NCOA2: variants seen among roughly 807,000 people sequenced by gnomAD.
The protein encoded by NCOA2 is nuclear receptor coactivator 2.
A neutral mutation model predicts 145.1 loss-of-function variants in NCOA2; 21 were observed. The ratio of observed to expected loss-of-function variants is 0.14; its 90% CI spans 0.10 to 0.21. The LOEUF is 0.21. Ranked by LOEUF, NCOA2 falls within the 10% of genes least tolerant of loss-of-function variation. The probability of loss-of-function intolerance (pLI) is 1.00; values close to 1 mark genes in which losing one functional copy is unlikely to be tolerated. For synonymous variants in NCOA2, 619 were observed against 637.5 expected (o/e 0.97, Z 0.44); for missense variants, 1,472 against 1,837.6 (o/e 0.80, Z 3.64).
chr8:70,156,910 C>G lies in NCOA2; in HGVS notation c.1455G>C (p.Met485Ile). 2 of 1,613,988 alleles carry G rather than the reference C, an allele frequency of 1.2e-6. No individual in the cohort carries two copies. Among genetic ancestry groups the G allele is most frequent in the Non-Finnish European group, 1.7e-6 (2 of 1,179,894 alleles). The change falls in exon 11 of 23, where the codon ATG (methionine) becomes ATC (isoleucine). Residue 485 changes from methionine (M) to isoleucine (I), a missense_variant. Transcript: ENST00000452400. ...PGMNPGQPTS[M>I]LSPRHRMSPG... The stretch of plus-strand genomic sequence containing the variant: ...GGCTCATGCGATGCCTTGGTGAAAG[C>G]ATGGAGGTGGGCTGTCCTGGATTCA...
chr8:70,321,792 C>CTTTTTTTT (rs1563762022), intron 1 of NCOA2, among the ~76,000 whole-genome samples: 1 of 97,528 alleles, frequency 1.0e-5, no homozygotes. Flanking sequence ...TCAGAATATA[C>CTTTTTTTT]CTTTTTTTTT....
At chr8:70,150,027 A>T (rs1021190620) in intron 11 of NCOA2, among the ~76,000 whole-genome samples, 2 of 152,260 alleles carry the variant, frequency 1.3e-5, no homozygotes, top group Non-Finnish European at 2.9e-5. Context: ...TTTAACATCC[A>T]TATGAGATGT....
In NCOA2 at chr8:70,113,124, C is replaced by G. The variant is rs984119200; in HGVS notation, c.*508G>C. Reference sequence around the variant, plus strand: ...CCACGGTGTCTGTCCTGCTTCCATCCCAAATTCAGGCTTTAGCTTAAAACA... The same window carrying G: ...CCACGGTGTCTGTCCTGCTTCCATCGCAAATTCAGGCTTTAGCTTAAAACA... On this transcript the variant is annotated 3_prime_UTR_variant, in exon 23 of 23. Transcript: ENST00000452400. 1 of 202,876 alleles carries G rather than the reference C, an allele frequency of 4.9e-6. No individual in the cohort carries two copies. Among genetic ancestry groups the G allele is most frequent in the African/African-American group, 2.3e-5 (1 of 43,410 alleles). The allele number at this position is 202,876 out of a possible 1,614,324, so 12.6% of individuals were successfully genotyped here. A position where few individuals can be genotyped will look rare whatever the true frequency, so the allele number is the denominator to read the frequency against.
intron 15 of NCOA2, 146 bp from the exon 16 acceptor site, chr8:70,132,148 C>T: frequency 1.3e-6 from 1 of 790,444 alleles, no homozygotes; most frequent in Non-Finnish European, 2.0e-6. Flanking sequence ...AACAAAAGGA[C>T]AGTCTGAAAT....
At chr8:70,354,589 G>C (rs1202578203) in intron 1 of NCOA2, among the ~76,000 whole-genome samples, 1 of 152,168 alleles carries the variant, frequency 6.6e-6, no homozygotes, top group Non-Finnish European at 1.5e-5. Context: ...CAATGGGCCA[G>C]GGACTAGAGA....
chr8:70,310,648 G>C (rs1325199428), intron 1 of NCOA2, among the ~76,000 whole-genome samples: 1 of 152,072 alleles, frequency 6.6e-6, no homozygotes, highest in Non-Finnish European at 1.5e-5. Context: ...CTATAGTCAA[G>C]ATTCTAGGGC....
intron 2 of NCOA2, among the ~76,000 whole-genome samples, chr8:70,248,645 A>C (rs1822823613): frequency 6.6e-6 from 1 of 152,100 alleles, no homozygotes; most frequent in Non-Finnish European, 1.5e-5. Flanking sequence ...TAATCTACGC[A>C]TATCCTCTCA....
intron 1 of NCOA2, among the ~76,000 whole-genome samples, chr8:70,340,091 G>A (rs1807987712): frequency 6.6e-6 from 1 of 152,052 alleles, no homozygotes; most frequent in Non-Finnish European, 1.5e-5. Flanking sequence ...TTGACAAATG[G>A]GATCTAATTA....
intron 1 of NCOA2, among the ~76,000 whole-genome samples, chr8:70,382,998 A>C (rs1443657694): frequency 6.6e-6 from 1 of 152,268 alleles, no homozygotes; most frequent in African/African-American, 2.4e-5. Context: ...TTCCTATTTC[A>C]AGATTAAAAA....
At chr8:70,166,195 T>G (rs1220398667) in intron 7 of NCOA2, among the ~76,000 whole-genome samples, 1 of 152,204 alleles carries the variant, frequency 6.6e-6, no homozygotes, top group African/African-American at 2.4e-5. Context: ...CCCTCAAAAG[T>G]GTGCTCACTA....
intron 1 of NCOA2, among the ~76,000 whole-genome samples, chr8:70,393,119 C>A (rs1481318779): frequency 2.0e-5 from 3 of 152,190 alleles, no homozygotes; most frequent in Non-Finnish European, 4.4e-5. Flanking sequence ...CCTCTGAAAA[C>A]CACAAGCCCC....
intron 1 of NCOA2, among the ~76,000 whole-genome samples, chr8:70,378,872 G>C (rs1398279444): frequency 6.6e-6 from 1 of 151,724 alleles, no homozygotes; most frequent in Non-Finnish European, 1.5e-5. Context: ...AGGCACTGTT[G>C]TCAGTGCCTC....
In NCOA2 at chr8:70,131,954, T is replaced by G. The variant is rs761971402; in HGVS notation, c.3207A>C (p.Ala1069=). Residue 1069 remains alanine, a synonymous_variant, in exon 16 of 23, where the codon GCA becomes GCC. Transcript: ENST00000452400. ...SPDDLLCPHP[A]AESPSDEGAL... ...CTCCCTCATCACTCGGAGACTCAGCTGCAGGATGTGGACATAGCAAGTCAT... is the reference window on the plus strand; with the variant it reads ...CTCCCTCATCACTCGGAGACTCAGCGGCAGGATGTGGACATAGCAAGTCAT... 7.4e-6 allele frequency: 12 copies of G among 1,612,132 alleles called. No individual in the cohort carries two copies. The highest frequency in any genetic ancestry group is 9.3e-6 in the Non-Finnish European group (11 of 1,179,260).
At chr8:70,403,345 G>A (rs1172325857) in intron 1 of NCOA2, among the ~76,000 whole-genome samples, 9 of 150,990 alleles carry the variant, frequency 6.0e-5, no homozygotes, top group South Asian at 2.1e-4. Context: ...TCTCGCCCGC[G>A]CCGCGGGCTG....
chr8:70,110,684 G>A lies in NCOA2; in HGVS notation c.*2948C>T, dbSNP rs1252412519. 1 of 216,130 alleles carries A rather than the reference G, an allele frequency of 4.6e-6. No individual in the cohort carries two copies. Among genetic ancestry groups the A allele is most frequent in the Non-Finnish European group, 9.3e-6 (1 of 107,360 alleles). The allele number at this position is 216,130 out of a possible 1,614,324, so 13.4% of individuals were successfully genotyped here. A position where few individuals can be genotyped will look rare whatever the true frequency, so the allele number is the denominator to read the frequency against. Reference sequence around the variant, plus strand: ...CATTTTTGAACACAGATTAAAAATTGCATTATATAAACTGCAAAAACATTG... The same window carrying A: ...CATTTTTGAACACAGATTAAAAATTACATTATATAAACTGCAAAAACATTG... On this transcript the variant is annotated 3_prime_UTR_variant, in exon 23 of 23. Coordinates refer to ENST00000452400, the MANE Select transcript of NCOA2 (RefSeq NM_006540.4).
At chr8:70,350,481 C>T (rs2130806256) in intron 1 of NCOA2, among the ~76,000 whole-genome samples, 1 of 152,270 alleles carries the variant, frequency 6.6e-6, no homozygotes, top group African/African-American at 2.4e-5. Flanking sequence ...TTGGCCCCAA[C>T]TTGGGGACCC....
At chr8:70,320,617 A>G (rs1805967228) in intron 1 of NCOA2, among the ~76,000 whole-genome samples, 1 of 152,184 alleles carries the variant, frequency 6.6e-6, no homozygotes, top group South Asian at 2.1e-4. Flanking sequence ...AACTTGCAAA[A>G]GAAATTTTAC....
chr8:70,141,047 C>G, intron 14 of NCOA2, 137 bp downstream of exon 14: 1 of 851,934 alleles, frequency 1.2e-6, no homozygotes, highest in South Asian at 1.7e-5. Flanking sequence ...AGAGTTCCAG[C>G]AAAATCCCAC....
At chr8:70,416,514 G>A in the NCOA2 span, among the ~76,000 whole-genome samples, 1 of 152,166 alleles carries the variant, frequency 6.6e-6, no homozygotes, top group Non-Finnish European at 1.5e-5. Flanking sequence ...TTTCCCCAGA[G>A]AGGAAAGCAA....
Sources: allele counts gnomAD v4.1 joint callset (sites outside exome capture counted in the v4.1 genomes callset), GRCh38; gene constraint gnomAD v4.1.1; transcripts MANE v1.5; gene names NCBI Gene and HGNC (gene_info 2026-07-23, HGNC 2026-07-21).